Variants in HCRTR2 observed in about 807,000 individuals in gnomAD.
HCRTR2 encodes hypocretin receptor 2.
In HCRTR2, 22 loss-of-function variants were observed where a neutral mutation model predicts 49.0. That is an observed-to-expected ratio of 0.45 (90% CI 0.32 to 0.64). HCRTR2 has a LOEUF of 0.64. Among genes scored for constraint, HCRTR2 ranks in the 30% least tolerant of loss-of-function variants. HCRTR2 has a pLI of 0.04. For missense variants in HCRTR2, 491 were observed against 559.4 expected (o/e 0.88, Z 1.23); for synonymous variants, 236 against 205.3 (o/e 1.15, Z -1.28).
At chr6:55,132,717 C>A (rs965142714) in intron 1 of HCRTR2, among the ~76,000 whole-genome samples, 2 of 149,220 alleles carry the variant, frequency 1.3e-5, no homozygotes. Context: ...CCTACTCAGA[C>A]CAACTCCATT....
At chr6:55,130,023 C>T (rs1302463672) in intron 1 of HCRTR2, among the ~76,000 whole-genome samples, 1 of 151,936 alleles carries the variant, frequency 6.6e-6, no homozygotes, top group Non-Finnish European at 1.5e-5. Context: ...TGTTTAACCC[C>T]TACTAATGTT....
upstream of HCRTR2, among the ~76,000 whole-genome samples, chr6:55,171,706 A>G (rs1229279313): frequency 6.6e-6 from 1 of 152,226 alleles, no homozygotes; most frequent in Non-Finnish European, 1.5e-5. Context: ...CATAAAATAA[A>G]GCAGGTATCA....
At chr6:55,138,832 C>T (rs1481776757) in intron 1 of HCRTR2, among the ~76,000 whole-genome samples, 1 of 152,174 alleles carries the variant, frequency 6.6e-6, no homozygotes, top group Admixed American at 6.6e-5. Flanking sequence ...TATGTTTGTT[C>T]ATTTATTCAT....
At chr6:55,120,494 G>C (rs557449747) in intron 1 of HCRTR2, among the ~76,000 whole-genome samples, 1 of 151,668 alleles carries the variant, frequency 6.6e-6, no homozygotes, top group East Asian at 1.9e-4. Flanking sequence ...TTGTATTCTT[G>C]GGTATTTTAT....
rs145367578 is a variant in HCRTR2 at position 55,259,690 on chromosome 6, G to A, written c.647-4017G>A. Among the ~76,000 whole-genome samples, 11 of 151,596 alleles carry A rather than the reference G, an allele frequency of 7.3e-5. No individual in the cohort carries two copies. The East Asian group carries it at 2.1e-3, about 29-fold the overall frequency. ...TATATATAAAATTTATTTAGATTGT[G>A]CTTATTCATCAGTTGAGTAAAAACA... On this transcript the variant is annotated intron_variant, in intron 3 of 6. Coordinates refer to ENST00000370862, the MANE Select transcript of HCRTR2 (RefSeq NM_001384272.1).
intron 1 of HCRTR2, among the ~76,000 whole-genome samples, chr6:55,108,926 T>G (rs1362215643): frequency 6.6e-6 from 1 of 152,114 alleles, no homozygotes; most frequent in African/African-American, 2.4e-5. Context: ...CTGGGGCAAG[T>G]TCCCAGCTCC....
intron 1 of HCRTR2, among the ~76,000 whole-genome samples, chr6:55,187,365 A>G (rs1044933446): frequency 5.8e-5 from 8 of 137,336 alleles, no homozygotes; most frequent in African/African-American, 2.1e-4. Flanking sequence ...GTGAGCCAAG[A>G]TGAAGCCACT....
intron 1 of HCRTR2, among the ~76,000 whole-genome samples, chr6:55,144,399 T>C (rs987578070): frequency 6.6e-6 from 1 of 152,038 alleles, no homozygotes; most frequent in Non-Finnish European, 1.5e-5. Flanking sequence ...CTGTTCTGCC[T>C]TTTCACCTTC....
intron 1 of HCRTR2, among the ~76,000 whole-genome samples, chr6:55,224,556 G>C (rs1468645060): frequency 7.2e-5 from 11 of 151,992 alleles, no homozygotes; most frequent in Non-Finnish European, 1.5e-4. Context: ...CCGGGAGGCG[G>C]AGCTTGCAGT....
chr6:55,275,860 T>C (rs1257650944), intron 4 of HCRTR2, among the ~76,000 whole-genome samples: 1 of 152,056 alleles, frequency 6.6e-6, no homozygotes, highest in African/African-American at 2.4e-5. Context: ...CCGAAAACTG[T>C]TTCTAATGGC....
At chr6:55,207,344 A>T (rs1765619039) in intron 1 of HCRTR2, among the ~76,000 whole-genome samples, 3 of 151,870 alleles carry the variant, frequency 2.0e-5, no homozygotes, top group Non-Finnish European at 2.9e-5. Flanking sequence ...GTAGAACAGA[A>T]TTTTTTTTGC....
chr6:55,270,115 C>A (rs1766944984), intron 4 of HCRTR2, among the ~76,000 whole-genome samples: 1 of 152,024 alleles, frequency 6.6e-6, no homozygotes, highest in African/African-American at 2.4e-5. Flanking sequence ...CACCAAAGAT[C>A]CAGGGAGAAA....
intron 2 of HCRTR2, among the ~76,000 whole-genome samples, chr6:55,249,267 C>T (rs1766504664): frequency 6.6e-6 from 1 of 151,998 alleles, no homozygotes; most frequent in Non-Finnish European, 1.5e-5. Context: ...TCTGCCAGTC[C>T]AAGTCATTGA....
chr6:55,116,048 C>A (rs536158536), intron 1 of HCRTR2, among the ~76,000 whole-genome samples: 1 of 151,578 alleles, frequency 6.6e-6, no homozygotes, highest in Non-Finnish European at 1.5e-5. Flanking sequence ...TGTCTCAAGA[C>A]ATTTCCATTT....
At position 55,116,048 on chromosome 6, in the gene HCRTR2, C is replaced by T. The variant is rs536158536; in HGVS notation, c.-378+9503C>T. On this transcript the variant is annotated intron_variant, in intron 1 of 7. Coordinates refer to the HCRTR2 transcript ENST00000615358. ...CCTCATGGGATTTTTTGTCTCAAGA[C>T]ATTTCCATTTTTTTTAACTTTTACA... Among the ~76,000 whole-genome samples the T allele has an allele frequency of 2.0e-5, 3 of 151,696 alleles. No individual in the cohort carries two copies. The South Asian group carries it at 6.2e-4, about 31-fold the overall frequency.
chr6:55,123,304 A>G (rs1473551545), intron 1 of HCRTR2, among the ~76,000 whole-genome samples: 2 of 151,928 alleles, frequency 1.3e-5, no homozygotes, highest in African/African-American at 4.8e-5. Flanking sequence ...TGTTCCATCA[A>G]TACCTAGTTT....
intron 4 of HCRTR2, among the ~76,000 whole-genome samples, chr6:55,267,920 A>T (rs1581867733): frequency 6.6e-6 from 1 of 152,362 alleles, no homozygotes; most frequent in South Asian, 2.1e-4. Context: ...CAGTAAAGGT[A>T]ACTACATAGG....
chr6:55,268,437 TA>T (rs201737914), intron 4 of HCRTR2, among the ~76,000 whole-genome samples: 2 of 151,898 alleles, frequency 1.3e-5, no homozygotes, highest in African/African-American at 4.8e-5. Context: ...ACCAATAATT[TA>T]AAAAAACCCA....
At chr6:55,225,571 T>G (rs990391787) in intron 1 of HCRTR2, among the ~76,000 whole-genome samples, 37 of 152,112 alleles carry the variant, frequency 2.4e-4, no homozygotes, top group African/African-American at 8.4e-4. Context: ...GCACAAGGCA[T>G]AGAGAATAAA....
Sources: allele counts gnomAD v4.1 joint callset (sites outside exome capture counted in the v4.1 genomes callset), GRCh38; gene constraint gnomAD v4.1.1; transcripts MANE v1.5; gene names NCBI Gene and HGNC (gene_info 2026-07-23, HGNC 2026-07-21).